NAALADL2: variants seen among roughly 807,000 people sequenced by gnomAD.
The protein encoded by NAALADL2 is N-acetylated alpha-linked acidic dipeptidase like 2.
A neutral mutation model predicts 87.2 loss-of-function variants in NAALADL2; 76 were observed. The observed-to-expected ratio is 0.87, with a 90% confidence interval of 0.72 to 1.05. NAALADL2 has a LOEUF of 1.05. Ranked by LOEUF, NAALADL2 falls within the 50% of genes least tolerant of loss-of-function variation. The pLI is 0.00. For synonymous variants in NAALADL2, 354 were observed against 331.0 expected, an observed-to-expected ratio of 1.07 and a Z score of -0.75; for missense variants, 1,089 against 945.8, an observed-to-expected ratio of 1.15 and a Z score of -1.99.
intron 11 of NAALADL2, among the ~76,000 whole-genome samples, chr3:175,679,826 A>G (rs949700041): frequency 1.1e-4 from 17 of 152,176 alleles, no homozygotes; most frequent in African/African-American, 3.6e-4. Flanking sequence ...CAGAGACTCA[A>G]TCTGAGCAAA....
chr3:175,452,583 C>T (rs189043800), intron 6 of NAALADL2, among the ~76,000 whole-genome samples: 2 of 152,126 alleles, frequency 1.3e-5, no homozygotes, highest in Admixed American at 1.3e-4. Context: ...GATGGCTGTT[C>T]TTTATCTGAA....
intron 2 of NAALADL2, among the ~76,000 whole-genome samples, chr3:174,634,180 T>C (rs2108707005): frequency 6.6e-6 from 1 of 152,266 alleles, no homozygotes; most frequent in Non-Finnish European, 1.5e-5. Context: ...CTATGGCTGT[T>C]ATATAAGGAA....
intron 2 of NAALADL2, among the ~76,000 whole-genome samples, chr3:174,711,358 G>A (rs1307269651): frequency 6.6e-6 from 1 of 152,098 alleles, no homozygotes; most frequent in Non-Finnish European, 1.5e-5. Flanking sequence ...CCACCTCCAT[G>A]CAGGTAAAAG....
intron 4 of NAALADL2, among the ~76,000 whole-genome samples, chr3:175,300,933 A>G (rs7636135): frequency 0.38 from 56,849 of 151,558 alleles, 12,820 homozygotes; most frequent in African/African-American, 0.64. Flanking sequence ...GTAGAGATGG[A>G]GTTTCTCCAT....
chr3:175,324,011 C>G (rs1164502358), intron 4 of NAALADL2, among the ~76,000 whole-genome samples, 164 bp from the exon 5 acceptor site: 1 of 114,220 alleles, frequency 8.8e-6, no homozygotes, highest in East Asian at 2.7e-4. Context: ...GAGCGAGACT[C>G]CATCTCAAAA....
chr3:175,246,158 A>C (rs1425415882), intron 3 of NAALADL2, among the ~76,000 whole-genome samples: 1 of 152,338 alleles, frequency 6.6e-6, no homozygotes, highest in East Asian at 1.9e-4. Flanking sequence ...TTTTAGAAAG[A>C]AAGAAGGTAA....
intron 9 of NAALADL2, among the ~76,000 whole-genome samples, chr3:175,477,626 C>A (rs998881176): frequency 6.6e-6 from 1 of 152,070 alleles, no homozygotes; most frequent in Non-Finnish European, 1.5e-5. Context: ...GTTATTCCAA[C>A]TTTAACCAAA....
chr3:175,536,842 C>A (rs1458531489), intron 9 of NAALADL2, among the ~76,000 whole-genome samples: 1 of 152,018 alleles, frequency 6.6e-6, no homozygotes, highest in Admixed American at 6.5e-5. Context: ...ATTAGCCGGG[C>A]GTGGTGGCGG....
chr3:175,690,367 G>C (rs902774303), intron 11 of NAALADL2, among the ~76,000 whole-genome samples: 1 of 152,020 alleles, frequency 6.6e-6, no homozygotes, highest in Non-Finnish European at 1.5e-5. Context: ...AGGGTCAGAA[G>C]ATATGTAGTA....
intron 1 of NAALADL2, among the ~76,000 whole-genome samples, chr3:174,534,529 T>C (rs1012563883): frequency 2.0e-5 from 3 of 152,166 alleles, no homozygotes; most frequent in Non-Finnish European, 2.9e-5. Flanking sequence ...TCCTCCCTGC[T>C]CCCAAGATGT....
intron 2 of NAALADL2, among the ~76,000 whole-genome samples, chr3:175,118,223 C>G (rs1250972070): frequency 1.3e-5 from 2 of 151,710 alleles, no homozygotes; most frequent in Non-Finnish European, 2.9e-5. Context: ...CAAACCTGCA[C>G]GTTGTGCACA....
intron 7 of NAALADL2, among the ~76,000 whole-genome samples, chr3:175,465,160 G>C (rs371446599): frequency 1.1e-4 from 17 of 151,672 alleles, no homozygotes; most frequent in African/African-American, 3.6e-4. Flanking sequence ...GCTGAGGCAG[G>C]AGAATGGCGT....
intron 1 of NAALADL2, among the ~76,000 whole-genome samples, chr3:174,481,499 A>G (rs1717547721): frequency 6.6e-6 from 1 of 152,048 alleles, no homozygotes; most frequent in Non-Finnish European, 1.5e-5. Context: ...TAGAGGCAAC[A>G]GATTCAAGTC....
intron 1 of NAALADL2, among the ~76,000 whole-genome samples, chr3:174,465,614 A>C (rs1716487383): frequency 6.6e-6 from 1 of 152,222 alleles, no homozygotes; most frequent in African/African-American, 2.4e-5. Context: ...GAATTACAGC[A>C]TAAAAATAAG....
At chr3:175,054,697 A>G (rs1291790734) in intron 1 of NAALADL2, among the ~76,000 whole-genome samples, 1 of 152,190 alleles carries the variant, frequency 6.6e-6, no homozygotes, top group Non-Finnish European at 1.5e-5. Flanking sequence ...ATCAAAAATG[A>G]TATCTTAAAC....
chr3:175,185,131 G>A (rs1288626507), intron 2 of NAALADL2, among the ~76,000 whole-genome samples: 1 of 151,992 alleles, frequency 6.6e-6, no homozygotes, highest in Non-Finnish European at 1.5e-5. Flanking sequence ...TCTGATGCAA[G>A]GCAGAATGAA....
At chr3:175,291,549 A>C (rs1332405719) in intron 4 of NAALADL2, among the ~76,000 whole-genome samples, 1 of 152,144 alleles carries the variant, frequency 6.6e-6, no homozygotes, top group Non-Finnish European at 1.5e-5. Flanking sequence ...TTCAAGCTAG[A>C]AATAATTAAA....
At chr3:174,674,671 A>C (rs550636109) in intron 2 of NAALADL2, among the ~76,000 whole-genome samples, 1 of 152,138 alleles carries the variant, frequency 6.6e-6, no homozygotes, top group African/African-American at 2.4e-5. Flanking sequence ...GAAGAGGCAA[A>C]TTATTGAAGT....
chr3:175,500,024 A>T (rs1157771647), intron 9 of NAALADL2, among the ~76,000 whole-genome samples: 2 of 152,108 alleles, frequency 1.3e-5, no homozygotes, highest in African/African-American at 4.8e-5. Flanking sequence ...CTAGCAATAA[A>T]TCTTATTATA....
Sources: allele counts gnomAD v4.1 joint callset (sites outside exome capture counted in the v4.1 genomes callset), GRCh38; gene constraint gnomAD v4.1.1; transcripts MANE v1.5; gene names NCBI Gene and HGNC (gene_info 2026-07-23, HGNC 2026-07-21).